CAPZB: variants seen among roughly 807,000 people sequenced by gnomAD.
The protein encoded by CAPZB is capping actin protein of muscle Z-line subunit beta.
In CAPZB, 2 loss-of-function variants were observed where a neutral mutation model predicts 38.1. That is an observed-to-expected ratio of 0.05 (90% CI 0.02 to 0.17). CAPZB has a LOEUF of 0.17. Ranked by LOEUF, CAPZB falls within the 10% of genes least tolerant of loss-of-function variation. The probability of loss-of-function intolerance (pLI) is 1.00; values close to 1 mark genes in which losing one functional copy is unlikely to be tolerated. For synonymous variants in CAPZB, 107 were observed against 127.4 expected, an observed-to-expected ratio of 0.84 and a Z score of 1.08; for missense variants, 161 against 334.2, an observed-to-expected ratio of 0.48 and a Z score of 4.04.
chr1:19,479,115 C>T (rs2094618283), intron 1 of CAPZB, among the ~76,000 whole-genome samples: 1 of 152,244 alleles, frequency 6.6e-6, no homozygotes, highest in South Asian at 2.1e-4. Context: ...GAGGCTGAGG[C>T]AAGAGAATTC....
intron 4 of CAPZB, among the ~76,000 whole-genome samples, chr1:19,358,793 A>G (rs992162602): frequency 6.6e-6 from 1 of 152,226 alleles, no homozygotes; most frequent in Admixed American, 6.5e-5. Context: ...ACACCTATTA[A>G]GCCCCAAAGC....
chr1:19,453,912 A>G (rs1484900614), intron 1 of CAPZB, among the ~76,000 whole-genome samples: 1 of 99,968 alleles, frequency 1.0e-5, no homozygotes, highest in East Asian at 2.8e-4. Context: ...CTGCCATTTT[A>G]CAGATGAAAA....
intron 3 of CAPZB, among the ~76,000 whole-genome samples, chr1:19,383,446 C>CAAAAAAAAA (rs528617668): frequency 2.5e-5 from 3 of 118,068 alleles, no homozygotes; most frequent in East Asian, 2.6e-4. Flanking sequence ...GACTCTGTCT[C>CAAAAAAAAA]AAAAAAAAAA....
chr1:19,390,656 C>T (rs2094228707), intron 2 of CAPZB, among the ~76,000 whole-genome samples: 1 of 152,050 alleles, frequency 6.6e-6, no homozygotes, highest in African/African-American at 2.4e-5. Context: ...TTGCCGGGCT[C>T]GGTGGTACCC....
At position 19,356,163 on chromosome 1, in the gene CAPZB, T is replaced by C. The variant is rs1351724865; in HGVS notation, c.588+472A>G. On this transcript the variant is annotated intron_variant, in intron 6 of 8. Transcript: ENST00000264202. The surrounding 1 kb of genome is among the most constrained non-coding windows in gnomAD (Gnocchi z 4.3). The stretch of plus-strand genomic sequence containing the variant: ...TATGCTAGGTCTGGGTGGGACCTGA[T>C]ATTTCTGCCTTTCTGACAAGCTCTT... 6.6e-6 allele frequency among the ~76,000 whole-genome samples: 1 copy of C among 152,182 alleles called. No homozygotes were observed. Among genetic ancestry groups the C allele is most frequent in the African/African-American group, 2.4e-5 (1 of 41,446 alleles).
chr1:19,459,018 G>A (rs1033190991), intron 1 of CAPZB, among the ~76,000 whole-genome samples: 2 of 152,230 alleles, frequency 1.3e-5, no homozygotes, highest in African/African-American at 4.8e-5. Flanking sequence ...GTTGGCAGGA[G>A]ACCGTTGGCA....
At chr1:19,389,855 C>T (rs993335906) in intron 2 of CAPZB, among the ~76,000 whole-genome samples, 1 of 152,244 alleles carries the variant, frequency 6.6e-6, no homozygotes, top group African/African-American at 2.4e-5. Context: ...AGAATTCCTG[C>T]AGTAACACTA....
chr1:19,421,016 G>C (rs1472981970), intron 1 of CAPZB, among the ~76,000 whole-genome samples: 1 of 152,138 alleles, frequency 6.6e-6, no homozygotes, highest in Non-Finnish European at 1.5e-5. Flanking sequence ...GAAGACCTGT[G>C]TATGCAACTC....
intron 2 of CAPZB, among the ~76,000 whole-genome samples, chr1:19,409,619 C>T (rs943311295): frequency 6.6e-6 from 1 of 152,192 alleles, no homozygotes; most frequent in Non-Finnish European, 1.5e-5. Context: ...CTTAGCTCCA[C>T]CATCATACTT....
At chr1:19,421,739 G>T (rs1028521131) in intron 1 of CAPZB, among the ~76,000 whole-genome samples, 1 of 152,082 alleles carries the variant, frequency 6.6e-6, no homozygotes, top group African/African-American at 2.4e-5. Context: ...TATGGCCTTG[G>T]GTGGGTTTCT....
chr1:19,462,178 C>T (rs985410492), intron 1 of CAPZB, among the ~76,000 whole-genome samples: 3 of 151,590 alleles, frequency 2.0e-5, no homozygotes, highest in Non-Finnish European at 2.9e-5. Flanking sequence ...TAAGGCCAGG[C>T]GCGGTGGCTC....
chr1:19,405,117 C>T (rs917916166), intron 2 of CAPZB, among the ~76,000 whole-genome samples: 4 of 152,156 alleles, frequency 2.6e-5, no homozygotes, highest in Non-Finnish European at 4.4e-5. Flanking sequence ...AAGAGGCATC[C>T]GTCCCTTCTC....
At chr1:19,352,017 C>G (rs932669492) in intron 6 of CAPZB, among the ~76,000 whole-genome samples, 12 of 152,210 alleles carry the variant, frequency 7.9e-5, no homozygotes, top group Admixed American at 7.9e-4. Flanking sequence ...ATCTCCACCC[C>G]TGAACCCAGG....
intron 4 of CAPZB, among the ~76,000 whole-genome samples, chr1:19,371,522 C>T (rs988564974): frequency 6.6e-6 from 1 of 152,168 alleles, no homozygotes; most frequent in Non-Finnish European, 1.5e-5. Flanking sequence ...ACTCACTCGC[C>T]CAGTCAGTCA....
intron 8 of CAPZB, among the ~76,000 whole-genome samples, chr1:19,340,680 C>A (rs1430251928): frequency 1.3e-5 from 2 of 152,064 alleles, no homozygotes; most frequent in Admixed American, 1.3e-4. Context: ...ACGACAACAA[C>A]AAAAAGCGAA....
In CAPZB at chr1:19,419,238, G is replaced by A. The variant is rs567946700; in HGVS notation, c.93+423C>T. Among the ~76,000 whole-genome samples the A allele has an allele frequency of 8.5e-5, 13 of 152,284 alleles. 1 individual carries two copies. Among genetic ancestry groups the A allele is most frequent in the East Asian group, 5.8e-4 (3 of 5,182 alleles). On this transcript the variant is annotated intron_variant, in intron 2 of 8. Coordinates refer to ENST00000264202, the MANE Select transcript of CAPZB (RefSeq NM_004930.5). The stretch of plus-strand genomic sequence containing the variant: ...CTTTTCAAACTAGAAATGAAGCCAC[G>A]GAAGCATCTTACAGGTAGACGCTTG...
At chr1:19,354,942 C>A (rs925945614) in intron 6 of CAPZB, among the ~76,000 whole-genome samples, 2 of 152,254 alleles carry the variant, frequency 1.3e-5, no homozygotes, top group South Asian at 4.1e-4. Flanking sequence ...TCCACTTCCA[C>A]GCAAAAAGGC....
At chr1:19,485,330 C>T in intron 1 of CAPZB, 106 bp downstream of exon 1, 1 of 800,576 alleles carries the variant, frequency 1.2e-6, no homozygotes, top group South Asian at 6.2e-5. Flanking sequence ...CCCGCCCCTC[C>T]CCCACCCCGG....
chr1:19,452,429 A>G (rs2094519493), intron 1 of CAPZB, among the ~76,000 whole-genome samples: 2 of 152,198 alleles, frequency 1.3e-5, no homozygotes, highest in Admixed American at 6.5e-5. Flanking sequence ...CTCATAGCCA[A>G]TGAATAAACA....
Sources: allele counts gnomAD v4.1 joint callset (sites outside exome capture counted in the v4.1 genomes callset), GRCh38; gene constraint gnomAD v4.1.1; non-coding constraint Gnocchi (gnomAD v3.1); transcripts MANE v1.5; gene names NCBI Gene and HGNC (gene_info 2026-07-23, HGNC 2026-07-21).